The following RBFOX1 variants were observed in gnomAD, a reference collection of about 807,000 sequenced individuals.
The protein encoded by RBFOX1 is RNA binding fox-1 homolog 1.
A neutral mutation model predicts 57.7 loss-of-function variants in RBFOX1; 8 were observed. That is an observed-to-expected ratio of 0.14 (90% CI 0.08 to 0.25). The LOEUF (loss-of-function observed/expected upper bound fraction) is 0.25. Ranked by LOEUF, RBFOX1 falls within the 10% of genes least tolerant of loss-of-function variation. RBFOX1 has a pLI of 1.00. For missense variants in RBFOX1, 611 were observed against 548.5 expected, an observed-to-expected ratio of 1.11 and a Z score of -1.14; for synonymous variants, 326 against 222.4, an observed-to-expected ratio of 1.47 and a Z score of -4.15.
chr16:7,355,144 G>C (rs1337109508), intron 4 of RBFOX1, among the ~76,000 whole-genome samples: 1 of 152,158 alleles, frequency 6.6e-6, no homozygotes, highest in African/African-American at 2.4e-5. Flanking sequence ...GAGCATCAGA[G>C]ATGTCAATTG....
chr16:5,822,261 A>G lies in RBFOX1; in HGVS notation c.319-45042A>G, dbSNP rs942862798. 3.9e-5 allele frequency among the ~76,000 whole-genome samples: 6 copies of G among 152,304 alleles called. No homozygotes were observed. In the South Asian group the frequency reaches 1.0e-3, roughly 26 times the overall value. On this transcript the variant is annotated intron_variant, in intron 3 of 19. Transcript: ENST00000641259. ...GGATGCAAAGGCATAAGAATGATAC[A>G]ATAGACTTTGGGGACTTGGGGGGAA...
chr16:7,610,617 C>T (rs973187551), intron 10 of RBFOX1, among the ~76,000 whole-genome samples: 1 of 152,184 alleles, frequency 6.6e-6, no homozygotes, highest in East Asian at 1.9e-4. Flanking sequence ...TTCCTCTTTT[C>T]AGCTGTACGT....
chr16:6,540,487 A>G (rs1031390732), intron 2 of RBFOX1, among the ~76,000 whole-genome samples: 2 of 151,672 alleles, frequency 1.3e-5, no homozygotes, highest in Non-Finnish European at 2.9e-5. Flanking sequence ...TGGCATGCGC[A>G]TGTAGTCCTA....
intron 3 of RBFOX1, among the ~76,000 whole-genome samples, chr16:5,766,959 A>G (rs1365960649): frequency 1.3e-5 from 2 of 152,152 alleles, no homozygotes; most frequent in African/African-American, 4.8e-5. Context: ...AGCTCTTTAC[A>G]TTTAGTTCCC....
Position 7,711,348 on chromosome 16 carries a change from T to G in RBFOX1, c.*603T>G, listed in dbSNP as rs541026228. The G allele has an allele frequency of 6.5e-6, 1 of 152,710 alleles. No homozygotes were observed. Among genetic ancestry groups the G allele is most frequent in the African/African-American group, 2.4e-5 (1 of 41,556 alleles). 9.5% of individuals were successfully genotyped at this position (152,710 alleles called of 1,614,324 possible). A position where few individuals can be genotyped will look rare whatever the true frequency, so the allele number is the denominator to read the frequency against. ...AAGGTCATGTTGTTAAGGGGGTGCT[T>G]CTAGTAGCACTTGTGCATCTGAGTT... is the stretch of plus-strand genomic sequence containing the variant. On this transcript the variant is annotated 3_prime_UTR_variant, in exon 16 of 16. Transcript: ENST00000550418.
At chr16:5,476,658 C>G (rs535593154) in intron 2 of RBFOX1, among the ~76,000 whole-genome samples, 3 of 152,212 alleles carry the variant, frequency 2.0e-5, no homozygotes, top group African/African-American at 7.2e-5. Context: ...TTGTTGAGGA[C>G]AAGATACATG....
chr16:6,672,409 C>T (rs182035188), intron 3 of RBFOX1, among the ~76,000 whole-genome samples: 2,568 of 123,358 alleles, frequency 0.021, 40 homozygotes, highest in Non-Finnish European at 0.025. Flanking sequence ...AAAGGAAGGA[C>T]GGATGGATGG....
At chr16:7,202,560 A>T (rs13338747) in intron 4 of RBFOX1, among the ~76,000 whole-genome samples, 1 of 152,116 alleles carries the variant, frequency 6.6e-6, no homozygotes, top group Non-Finnish European at 1.5e-5. Context: ...CCTGTTAGGA[A>T]TTGGGCTGCA....
intron 1 of RBFOX1, among the ~76,000 whole-genome samples, chr16:6,303,981 T>A (rs1330235180): frequency 6.7e-6 from 1 of 148,594 alleles, no homozygotes; most frequent in East Asian, 2.1e-4. Flanking sequence ...CTGGCTAATT[T>A]TTGTATTTTT....
At chr16:6,962,428 A>C (rs1000076973) in intron 3 of RBFOX1, among the ~76,000 whole-genome samples, 1 of 152,128 alleles carries the variant, frequency 6.6e-6, no homozygotes, top group Non-Finnish European at 1.5e-5. Flanking sequence ...AACCTGTGCA[A>C]CTTTTTCTGT....
At chr16:6,508,123 A>G (rs1242287933) in intron 2 of RBFOX1, among the ~76,000 whole-genome samples, 1 of 152,188 alleles carries the variant, frequency 6.6e-6, no homozygotes, top group Non-Finnish European at 1.5e-5. Context: ...GCAGAAAACC[A>G]AATACTGCAT....
chr16:5,598,952 G>A (rs1302190661), exon 3 of RBFOX1: 2 of 1,532,866 alleles, frequency 1.3e-6, no homozygotes, highest in East Asian at 4.9e-5. Flanking sequence ...AGAACAGCCT[G>A]CAAGACTCCG....
intron 4 of RBFOX1, among the ~76,000 whole-genome samples, chr16:5,890,910 C>G (rs1426779324): frequency 6.6e-6 from 1 of 152,090 alleles, no homozygotes. Flanking sequence ...TCTTCATTTT[C>G]TCTCATTGGA....
intron 1 of RBFOX1, among the ~76,000 whole-genome samples, chr16:6,026,514 T>C: frequency 6.6e-6 from 1 of 152,326 alleles, no homozygotes; most frequent in South Asian, 2.1e-4. Flanking sequence ...ACATGGCCTC[T>C]TTTGCTGCCT....
chr16:6,743,382 A>G (rs926593311), intron 3 of RBFOX1, among the ~76,000 whole-genome samples: 1 of 152,192 alleles, frequency 6.6e-6, no homozygotes, highest in African/African-American at 2.4e-5. Context: ...AGATTGTCAG[A>G]CTTAATAAAA....
At chr16:7,460,370 A>ATATATATATAT (rs1555477558) in intron 4 of RBFOX1, among the ~76,000 whole-genome samples, 58 of 75,940 alleles carry the variant, frequency 7.6e-4, no homozygotes, top group Admixed American at 1.1e-3. Context: ...CATTTAGCAA[A>ATATATATATAT]ATATATATAT....
At chr16:7,624,934 TA>T (rs1202536552) in intron 10 of RBFOX1, among the ~76,000 whole-genome samples, 3 of 151,942 alleles carry the variant, frequency 2.0e-5, no homozygotes, top group South Asian at 2.1e-4. Context: ...AAAAGTGTAA[TA>T]GGCAAGAAAG....
intron 1 of RBFOX1, among the ~76,000 whole-genome samples, chr16:6,047,295 A>G (rs768815150): frequency 3.9e-5 from 6 of 152,168 alleles, no homozygotes; most frequent in Non-Finnish European, 8.8e-5. Context: ...TAGGCTGACC[A>G]TCTCCCCATT....
At chr16:6,860,805 A>C (rs1364352384) in intron 3 of RBFOX1, among the ~76,000 whole-genome samples, 1 of 152,234 alleles carries the variant, frequency 6.6e-6, no homozygotes, top group Non-Finnish European at 1.5e-5. Flanking sequence ...GGAGACATAC[A>C]GTATGACATC....
Sources: allele counts gnomAD v4.1 joint callset (sites outside exome capture counted in the v4.1 genomes callset), GRCh38; gene constraint gnomAD v4.1.1; transcripts MANE v1.5; gene names NCBI Gene and HGNC (gene_info 2026-07-23, HGNC 2026-07-21).